The following HYDIN variants were observed in gnomAD, a reference collection of about 807,000 sequenced individuals.
The protein encoded by HYDIN is axonemal central pair apparatus protein HYDIN.
Under a neutral mutation model 403.9 loss-of-function variants are expected in HYDIN, and 132 were observed. That is an observed-to-expected ratio of 0.33 (90% confidence interval 0.28 to 0.38). HYDIN has a LOEUF of 0.38. Ranked by LOEUF, HYDIN falls within the 10% of genes least tolerant of loss-of-function variation. HYDIN has a pLI of 1.00. For synonymous variants in HYDIN, 1,202 were observed against 1,891.7 expected (o/e 0.64, Z 9.46); for missense variants, 2,827 against 5,009.5 (o/e 0.56, Z 13.15).
chr16:70,831,285 G>A (rs1313103297), intron 80 of HYDIN, among the ~76,000 whole-genome samples: 1 of 152,044 alleles, frequency 6.6e-6, no homozygotes, highest in East Asian at 1.9e-4. Flanking sequence ...CAAGTTGAGT[G>A]GATTGCCTGA....
At chr16:71,041,471 A>G (rs1027111713) in intron 18 of HYDIN, among the ~76,000 whole-genome samples, 2 of 152,244 alleles carry the variant, frequency 1.3e-5, no homozygotes, top group Non-Finnish European at 2.9e-5. Context: ...ACAATCTATC[A>G]GTAGGGGATT....
At chr16:71,184,743 A>G in intron 3 of HYDIN, 122 bp downstream of exon 3, 1 of 761,826 alleles carries the variant, frequency 1.3e-6, no homozygotes. Context: ...GCAGAAAAGG[A>G]GGATTGAAAA....
At chr16:70,822,088 T>C (rs567549831) in intron 83 of HYDIN, among the ~76,000 whole-genome samples, 20 of 152,122 alleles carry the variant, frequency 1.3e-4, no homozygotes, top group African/African-American at 4.8e-4. Flanking sequence ...ATTTAAGAAA[T>C]ACATTTCATA....
At chr16:71,204,182 A>T (rs1317478459) in intron 1 of HYDIN, 1 of 157,910 alleles carries the variant, frequency 6.3e-6, no homozygotes, top group African/African-American at 2.4e-5. Flanking sequence ...ATTATTAAAC[A>T]TATTAATAGT....
At chr16:70,870,514 G>C (rs370503379) in intron 65 of HYDIN, among the ~76,000 whole-genome samples, 2,469 of 149,662 alleles carry the variant, frequency 0.016, 67 homozygotes, top group African/African-American at 0.057. Context: ...GTGTGGCTCA[G>C]GACATGGCTG....
intron 41 of HYDIN, among the ~76,000 whole-genome samples, chr16:70,949,027 T>G (rs1352610724): frequency 6.6e-6 from 1 of 150,858 alleles, no homozygotes; most frequent in Non-Finnish European, 1.5e-5. Context: ...ATTGCGGCAC[T>G]ACTCACAATA....
intron 1 of HYDIN, among the ~76,000 whole-genome samples, chr16:71,208,100 AGAC>A (rs1274683793): frequency 6.6e-6 from 1 of 152,206 alleles, no homozygotes; most frequent in African/African-American, 2.4e-5. Flanking sequence ...CTCTGCCCAA[AGAC>A]AACAGAATAT....
At chr16:71,152,413 T>C (rs61122306) in intron 7 of HYDIN, among the ~76,000 whole-genome samples, 1 of 151,132 alleles carries the variant, frequency 6.6e-6, no homozygotes, top group Non-Finnish European at 1.5e-5. Flanking sequence ...TTTAGTTACA[T>C]GAATAAGTTC....
At chr16:71,230,510 G>GC in intron 1 of HYDIN, 52 bp downstream of exon 1, 1 of 1,481,214 alleles carries the variant, frequency 6.8e-7, no homozygotes, top group Non-Finnish European at 9.0e-7. Context: ...GCCCCGGTTA[G>GC]CCCCCATGTC....
At chr16:71,171,967 C>T (rs911590126) in intron 5 of HYDIN, among the ~76,000 whole-genome samples, 11 of 152,064 alleles carry the variant, frequency 7.2e-5, no homozygotes, top group African/African-American at 2.2e-4. Context: ...CTGGGGAGGG[C>T]GAATTTCAGG....
rs781455947 is a variant in HYDIN, at chr16:70,920,738, G to A, written c.7638C>T (p.Ser2546=). 1.2e-5 allele frequency: 19 copies of A among 1,577,072 alleles called. No homozygotes were observed. The highest frequency in any genetic ancestry group is 2.3e-5 in the East Asian group (1 of 43,068). The change falls in exon 46 of 86, where the codon AGC becomes AGT. Residue 2546 remains serine, a synonymous_variant. Coordinates refer to ENST00000393567, the MANE Select transcript of HYDIN (RefSeq NM_001270974.2). ...LEKLRALEER[S]DWEGEGEEDH... Reference sequence around the variant, plus strand: ...CCTCCTCCCCTTCCCCCTCCCAGTCGCTCCGCTCCTCCAGGGCTCGCAGCT... The same window carrying A: ...CCTCCTCCCCTTCCCCCTCCCAGTCACTCCGCTCCTCCAGGGCTCGCAGCT...
chr16:70,883,129 G>A (rs2040914509), intron 59 of HYDIN, among the ~76,000 whole-genome samples: 1 of 152,206 alleles, frequency 6.6e-6, no homozygotes, highest in South Asian at 2.1e-4. Flanking sequence ...TAAGATCCAA[G>A]ATCTGGGGTG....
chr16:71,201,252 C>T (rs918844285), intron 1 of HYDIN, among the ~76,000 whole-genome samples: 1 of 152,288 alleles, frequency 6.6e-6, no homozygotes, highest in African/African-American at 2.4e-5. Context: ...TGCTGTTATA[C>T]ATGCCTTGCA....
At chr16:71,031,491 G>A in intron 19 of HYDIN, 188 bp downstream of exon 19, 1 of 1,346,476 alleles carries the variant, frequency 7.4e-7, no homozygotes. Context: ...ATGCAACCAA[G>A]TTATGGCTAG....
intron 1 of HYDIN, among the ~76,000 whole-genome samples, chr16:71,207,444 A>T (rs1435044129): frequency 6.6e-6 from 1 of 152,144 alleles, no homozygotes. Flanking sequence ...ATATAGAAAG[A>T]CCATTACCAG....
rs767375464 is a variant in HYDIN, at chr16:70,904,518, T to TTTTTTTTTTTTTTTTTTTTTTTTTTTTTG, written c.8517-455_8517-454insCAAAAAAAAAAAAAAAAAAAAAAAAAAAA. Reference sequence around the variant, plus strand: ...TTTTTTTTTTTTTTTTTTTTTTTTTTTGAGGGAGTTTCGTTCTTGTTGCCC... The same window carrying TTTTTTTTTTTTTTTTTTTTTTTTTTTTTG: ...TTTTTTTTTTTTTTTTTTTTTTTTTTTTTTTTTTTTTTTTTTTTTTTTTTTTTTGTGAGGGAGTTTCGTTCTTGTTGCCC... On this transcript the variant is annotated intron_variant, in intron 50 of 85. Coordinates refer to ENST00000393567, the MANE Select transcript of HYDIN (RefSeq NM_001270974.2). Among the ~76,000 whole-genome samples the TTTTTTTTTTTTTTTTTTTTTTTTTTTTTG allele has an allele frequency of 9.7e-4, 36 of 37,014 alleles. 13 individuals are homozygous for TTTTTTTTTTTTTTTTTTTTTTTTTTTTTG. The highest frequency in any genetic ancestry group is 1.5e-3 in the Non-Finnish European group (28 of 19,126). The allele number at this position is 37,014 out of a possible 152,430, so 24.3% of individuals were successfully genotyped here. A position where few individuals can be genotyped will look rare whatever the true frequency, so the allele number is the denominator to read the frequency against.
At chr16:71,209,257 T>C (rs547528028) in intron 1 of HYDIN, among the ~76,000 whole-genome samples, 26 of 151,108 alleles carry the variant, frequency 1.7e-4, no homozygotes, top group African/African-American at 6.1e-4. Context: ...AATCAATAAA[T>C]GTGATTCATC....
chr16:70,834,974 GTGTA>G (rs2037302385), intron 78 of HYDIN, among the ~76,000 whole-genome samples: 3 of 124,600 alleles, frequency 2.4e-5, no homozygotes, highest in African/African-American at 1.3e-4. Context: ...ACATATATGT[GTGTA>G]TATATATATA....
chr16:71,067,663 G>A (rs1485992022), intron 14 of HYDIN, among the ~76,000 whole-genome samples: 1 of 151,926 alleles, frequency 6.6e-6, no homozygotes, highest in Non-Finnish European at 1.5e-5. Context: ...CCTGCATAAG[G>A]GGAAAAATGA....
Sources: gnomAD v4.1 joint callset for allele counts (sites outside exome capture counted in the v4.1 genomes callset) on GRCh38, gnomAD v4.1.1 for gene constraint, MANE v1.5 for transcripts, NCBI Gene and HGNC (gene_info 2026-07-23, HGNC 2026-07-21) for gene names.